Variants in TMPRSS15 observed in about 807,000 individuals in gnomAD.
TMPRSS15 encodes the protein enteropeptidase.
Under a neutral mutation model 125.3 loss-of-function variants are expected in TMPRSS15, and 128 were observed. The observed-to-expected ratio is 1.02, with a 90% CI of 0.89 to 1.18. The LOEUF is 1.18. Ranked by LOEUF, TMPRSS15 falls within the 50% of genes most tolerant of loss-of-function variation. TMPRSS15 has a pLI of 0.00. For synonymous variants in TMPRSS15, 446 were observed against 423.2 expected (o/e 1.05, Z -0.66); for missense variants, 1,283 against 1,212.7 (o/e 1.06, Z -0.86).
intron 13 of TMPRSS15, among the ~76,000 whole-genome samples, chr21:18,338,041 TAGAC>T (rs934624482): frequency 2.0e-5 from 3 of 152,188 alleles, no homozygotes; most frequent in Admixed American, 6.5e-5. Context: ...ATTGTTAAAA[TAGAC>T]AGGGACACCA....
chr21:18,273,957 T>G (rs1274047766), intron 24 of TMPRSS15, among the ~76,000 whole-genome samples: 1 of 152,202 alleles, frequency 6.6e-6, no homozygotes, highest in East Asian at 1.9e-4. Context: ...TGGCTCGTCA[T>G]GTATTGATAG....
chr21:18,473,695 A>G (rs1978822594), intron 1 of TMPRSS15, among the ~76,000 whole-genome samples: 1 of 152,112 alleles, frequency 6.6e-6, no homozygotes, highest in Non-Finnish European at 1.5e-5. Context: ...AGAGAAGGTA[A>G]AATTGGTTGT....
At chr21:18,394,963 A>G (rs946855304) in intron 3 of TMPRSS15, among the ~76,000 whole-genome samples, 3 of 152,220 alleles carry the variant, frequency 2.0e-5, no homozygotes, top group Non-Finnish European at 4.4e-5. Context: ...GAAAAAAATA[A>G]GAGAATAAAA....
intron 16 of TMPRSS15, among the ~76,000 whole-genome samples, chr21:18,318,695 G>C (rs1217198086): frequency 6.6e-6 from 1 of 152,218 alleles, no homozygotes; most frequent in East Asian, 1.9e-4. Context: ...CTGAAAAAGT[G>C]TAGAGATCTG....
At chr21:18,394,126 C>T (rs1243561364) in intron 3 of TMPRSS15, among the ~76,000 whole-genome samples, 1 of 152,112 alleles carries the variant, frequency 6.6e-6, no homozygotes, top group Non-Finnish European at 1.5e-5. Flanking sequence ...TTTTGAAGTA[C>T]TCTTTTTAGT....
chr21:18,335,228 G>C (rs2075380770), intron 13 of TMPRSS15, among the ~76,000 whole-genome samples: 1 of 152,108 alleles, frequency 6.6e-6, no homozygotes, highest in South Asian at 2.1e-4. Flanking sequence ...ATAAGACTGG[G>C]AAAAATTAAC....
intron 1 of TMPRSS15, among the ~76,000 whole-genome samples, chr21:18,426,323 C>A (rs2076202524): frequency 6.6e-6 from 1 of 152,152 alleles, no homozygotes; most frequent in Admixed American, 6.5e-5. Context: ...AAATAAGTGG[C>A]AGATTCAGAA....
In TMPRSS15 at chr21:18,280,582, A is replaced by AAAAACAAAAC. The variant is rs1555890667; in HGVS notation, c.2668+457_2668+458insGTTTTGTTTT. Among the ~76,000 whole-genome samples, 9 of 138,602 alleles carry AAAAACAAAAC rather than the reference A, an allele frequency of 6.5e-5. 1 individual carries two copies. The highest frequency in any genetic ancestry group is 3.0e-4 in the African/African-American group (9 of 30,124). The allele number at this position is 138,602 out of a possible 152,430, so 90.9% of individuals were successfully genotyped here. On this transcript the variant is annotated intron_variant, in intron 22 of 24. Transcript: ENST00000284885. ...CAGAGCGAGACTCCGTCTCAAAAAA[A>AAAAACAAAAC]AAAAAAAAAAAAACAACAAAACAAC...
chr21:18,481,844 C>A (rs1008855995), intron 1 of TMPRSS15, among the ~76,000 whole-genome samples: 4 of 151,506 alleles, frequency 2.6e-5, no homozygotes, highest in African/African-American at 9.7e-5. Flanking sequence ...AACCACAAGT[C>A]AAATTTATTT....
At chr21:18,433,486 A>C (rs2076220746) in intron 1 of TMPRSS15, among the ~76,000 whole-genome samples, 1 of 151,936 alleles carries the variant, frequency 6.6e-6, no homozygotes, top group Admixed American at 6.6e-5. Context: ...TGAGCCCAGG[A>C]GTTTGAGACC....
chr21:18,310,682 A>G (rs763149445), intron 18 of TMPRSS15, among the ~76,000 whole-genome samples: 4 of 152,068 alleles, frequency 2.6e-5, no homozygotes, highest in Non-Finnish European at 5.9e-5. Context: ...TCAAAACACC[A>G]AAGACATTCT....
At chr21:18,354,788 T>A (rs1396137660) in intron 8 of TMPRSS15, among the ~76,000 whole-genome samples, 1 of 151,726 alleles carries the variant, frequency 6.6e-6, no homozygotes, top group Non-Finnish European at 1.5e-5. Flanking sequence ...TGCATTAGCA[T>A]TTTAGTTTGA....
chr21:18,407,445 TTTC>T (rs1260622646), upstream of TMPRSS15, among the ~76,000 whole-genome samples: 2 of 119,348 alleles, frequency 1.7e-5, no homozygotes, highest in African/African-American at 6.6e-5. Context: ...CTTTTTTTCT[TTTC>T]TTTTTTTTTT....
At chr21:18,311,118 A>T (rs769098024) in intron 18 of TMPRSS15, among the ~76,000 whole-genome samples, 1 of 152,038 alleles carries the variant, frequency 6.6e-6, no homozygotes, top group Non-Finnish European at 1.5e-5. Context: ...TAATACCTAA[A>T]ATGTTGAAAC....
chr21:18,443,744 C>T (rs1389466870), intron 1 of TMPRSS15, among the ~76,000 whole-genome samples: 1 of 152,212 alleles, frequency 6.6e-6, no homozygotes, highest in African/African-American at 2.4e-5. Flanking sequence ...GCTGCAGCCT[C>T]CTCTTGTTCC....
intron 24 of TMPRSS15, among the ~76,000 whole-genome samples, chr21:18,270,421 C>CACA (rs1190440269): frequency 6.6e-6 from 1 of 152,078 alleles, no homozygotes; most frequent in Non-Finnish European, 1.5e-5. Flanking sequence ...TTCTTTAAAG[C>CACA]ACAACTATGA....
intron 1 of TMPRSS15, among the ~76,000 whole-genome samples, chr21:18,451,325 A>G (rs1978336210): frequency 6.6e-6 from 1 of 151,662 alleles, no homozygotes; most frequent in Non-Finnish European, 1.5e-5. Flanking sequence ...AACTGTCAAA[A>G]AGCTACTGAA....
At chr21:18,395,037 T>G (rs902514461) in intron 3 of TMPRSS15, among the ~76,000 whole-genome samples, 29 of 152,162 alleles carry the variant, frequency 1.9e-4, no homozygotes, top group African/African-American at 7.0e-4. Flanking sequence ...AGTTTTCCCA[T>G]AAAGTTAACG....
chr21:18,402,821 A>AT (rs2076109258), intron 1 of TMPRSS15, among the ~76,000 whole-genome samples: 1 of 152,194 alleles, frequency 6.6e-6, no homozygotes, highest in African/African-American at 2.4e-5. Flanking sequence ...TAAAACGAGC[A>AT]TACCAATAAG....
Sources: gnomAD v4.1 joint callset for allele counts (sites outside exome capture counted in the v4.1 genomes callset) on GRCh38, gnomAD v4.1.1 for gene constraint, MANE v1.5 for transcripts, NCBI Gene and HGNC (gene_info 2026-07-23, HGNC 2026-07-21) for gene names.